The following CLEC12A variants were observed in gnomAD, a reference collection of about 807,000 sequenced individuals.
The protein encoded by CLEC12A is C-type lectin protein CLL-1.
A neutral mutation model predicts 26.5 loss-of-function variants in CLEC12A; 22 were observed. The ratio of observed to expected loss-of-function variants is 0.83; its 90% CI spans 0.59 to 1.19. The LOEUF is 1.19. Ranked by LOEUF, CLEC12A falls within the 50% of genes most tolerant of loss-of-function variation. The pLI, the probability that CLEC12A is intolerant of heterozygous loss-of-function variation, is 0.00. For synonymous variants in CLEC12A, 119 were observed against 101.9 expected (o/e 1.17, Z -1.01); for missense variants, 353 against 315.6 (o/e 1.12, Z -0.90).
At position 9,979,081 on chromosome 12, in the gene CLEC12A, T is replaced by A. The variant is rs372550372; in HGVS notation, c.190+17T>A. ...CAAGCATGTGTATGTACTGCCCCTG[T>A]TTTTGTCAAGAGGAAGTATCTAGAA... On this transcript the variant is annotated intron_variant, in intron 2 of 5. Transcript: ENST00000304361. 1.6e-5 allele frequency: 25 copies of A among 1,589,814 alleles called. No individual in the cohort carries two copies. Among genetic ancestry groups the A allele is most frequent in the Admixed American group, 6.7e-5 (4 of 59,682 alleles).
chr12:9,960,137 T>C (rs1863806370), intron 1 of CLEC12A, among the ~76,000 whole-genome samples: 1 of 152,186 alleles, frequency 6.6e-6, no homozygotes, highest in South Asian at 2.1e-4. Flanking sequence ...TGTTAAACCA[T>C]GAATTCAACA....
At chr12:10,002,025 G>A in the CLEC12A span, among the ~76,000 whole-genome samples, 12 of 151,812 alleles carry the variant, frequency 7.9e-5, no homozygotes, top group South Asian at 8.4e-4. Context: ...GAGTACAGGC[G>A]CCCACCACCA....
In CLEC12A at chr12:9,978,994, T is replaced by C; in HGVS notation, c.120T>C (p.Arg40=). The change falls in exon 2 of 6, where the codon CGT becomes CGC. Residue 40 remains arginine (R), a synonymous_variant. Coordinates refer to ENST00000304361, the MANE Select transcript of CLEC12A (RefSeq NM_138337.6). Reference sequence around the variant, plus strand: ...CTCCAGCTCCCTCTCATGTATGGCGTCCAGCAGCCTTGTTTCTGACTCTTC... The same window carrying C: ...CTCCAGCTCCCTCTCATGTATGGCGCCCAGCAGCCTTGTTTCTGACTCTTC... ...KAPPAPSHVW[R]PAALFLTLLC... is the part of the protein sequence containing the mutation. 1 of 1,613,992 alleles carries C rather than the reference T, an allele frequency of 6.2e-7. No homozygotes were observed. Among genetic ancestry groups the C allele is most frequent in the Non-Finnish European group, 8.5e-7 (1 of 1,179,876 alleles).
intron 1 of CLEC12A, among the ~76,000 whole-genome samples, chr12:9,972,053 T>C (rs67786371): frequency 6.9e-6 from 1 of 145,090 alleles, no homozygotes; most frequent in Non-Finnish European, 1.5e-5. Flanking sequence ...TGTGTGTGTG[T>C]GTGTGTGTTT....
At chr12:9,966,674 T>C (rs2922162), upstream of CLEC12A, among the ~76,000 whole-genome samples, 86,353 of 150,586 alleles carry the variant, frequency 0.57, 25,150 homozygotes, top group South Asian at 0.72. Flanking sequence ...GTTGCTACTT[T>C]GCTGCCTCTA....
chr12:10,001,639 A>G, the CLEC12A span, among the ~76,000 whole-genome samples: 1 of 152,212 alleles, frequency 6.6e-6, no homozygotes. Context: ...CCCACATTCT[A>G]TAAATGTAAG....
At chr12:9,991,419 A>G (rs190671013) in intron 4 of CLEC12A, 36 of 152,284 alleles carry the variant, frequency 2.4e-4, no homozygotes, top group African/African-American at 7.9e-4. Context: ...ATGTATACAC[A>G]TATGTTTTTC....
At chr12:9,978,859 G>A in intron 1 of CLEC12A, 107 bp from the exon 2 acceptor site, 4 of 761,230 alleles carry the variant, frequency 5.3e-6, no homozygotes, top group South Asian at 4.7e-5. Flanking sequence ...CTTTCCAATA[G>A]GCATATTAGG....
chr12:9,952,170 C>T (rs1289439952), intron 1 of CLEC12A: 36 of 110,562 alleles, frequency 3.3e-4, no homozygotes, highest in South Asian at 7.1e-4. Context: ...TCTCCCTCTC[C>T]GTCTCCCTCT....
At chr12:9,972,123 A>G (rs986742766) in intron 1 of CLEC12A, among the ~76,000 whole-genome samples, 1 of 151,910 alleles carries the variant, frequency 6.6e-6, no homozygotes, top group African/African-American at 2.4e-5. Context: ...ATTTCATTTG[A>G]CTATCTACCA....
At chr12:9,978,809 A>G (rs958045596) in intron 1 of CLEC12A, among the ~76,000 whole-genome samples, 157 bp from the exon 2 acceptor site, 2 of 152,228 alleles carry the variant, frequency 1.3e-5, no homozygotes, top group African/African-American at 4.8e-5. Flanking sequence ...TTCTTCAAAA[A>G]TATTTTTTGA....
downstream of CLEC12A, among the ~76,000 whole-genome samples, chr12:9,989,897 G>A (rs933155865): frequency 6.6e-5 from 10 of 152,188 alleles, no homozygotes; most frequent in Middle Eastern, 3.4e-3. Flanking sequence ...CATTTCAAAC[G>A]TCCTAGGGAC....
intron 1 of CLEC12A, among the ~76,000 whole-genome samples, chr12:9,962,345 T>C (rs1003031896): frequency 3.3e-5 from 5 of 151,858 alleles, no homozygotes; most frequent in Admixed American, 1.3e-4. Context: ...TTTTAAATTA[T>C]GTGACTCTGA....
intron 1 of CLEC12A, among the ~76,000 whole-genome samples, chr12:9,978,073 T>C (rs1424784361): frequency 6.6e-6 from 1 of 152,156 alleles, no homozygotes; most frequent in Non-Finnish European, 1.5e-5. Context: ...AGTAATTGTC[T>C]CTGGATTTCA....
At chr12:9,989,257 A>C (rs1162192193), downstream of CLEC12A, among the ~76,000 whole-genome samples, 1 of 151,932 alleles carries the variant, frequency 6.6e-6, no homozygotes, top group African/African-American at 2.4e-5. Flanking sequence ...AGATACACCT[A>C]ATGTTAAATG....
At chr12:9,956,970 A>G (rs1228695503) in intron 1 of CLEC12A, among the ~76,000 whole-genome samples, 1 of 142,792 alleles carries the variant, frequency 7.0e-6, no homozygotes. Context: ...GCATAAGGAA[A>G]TAAAAACTAA....
intron 1 of CLEC12A, among the ~76,000 whole-genome samples, chr12:9,959,027 AT>A (rs1565546884): frequency 6.6e-6 from 1 of 152,144 alleles, no homozygotes. Context: ...GTCTGGCAAT[AT>A]TTTCCAGGCC....
In CLEC12A at chr12:9,985,418, C is replaced by A; in HGVS notation, c.*392C>A. The A allele has an allele frequency of 5.0e-6, 2 of 400,934 alleles. No individual in the cohort carries two copies. The highest frequency in any genetic ancestry group is 2.5e-4 in the South Asian group (2 of 8,034). The allele number at this position is 400,934 out of a possible 1,614,324, so 24.8% of individuals were successfully genotyped here. A position where few individuals can be genotyped will look rare whatever the true frequency, so the allele number is the denominator to read the frequency against. On this transcript the variant is annotated 3_prime_UTR_variant, in exon 6 of 6. Transcript: ENST00000304361. ...GCGTTGCTAGGGTGGCATGGCTCCCCATCTCGGGTCCATCCTATACTTCCA... is the reference window on the plus strand; with the variant it reads ...GCGTTGCTAGGGTGGCATGGCTCCCAATCTCGGGTCCATCCTATACTTCCA...
intron 1 of CLEC12A, among the ~76,000 whole-genome samples, chr12:9,956,101 G>A (rs1366034642): frequency 6.6e-6 from 1 of 152,138 alleles, no homozygotes; most frequent in African/African-American, 2.4e-5. Context: ...GATCTGAGAA[G>A]TATTCAAAAA....
Sources: allele counts gnomAD v4.1 joint callset (sites outside exome capture counted in the v4.1 genomes callset), GRCh38; gene constraint gnomAD v4.1.1; transcripts MANE v1.5; gene names NCBI Gene and HGNC (gene_info 2026-07-23, HGNC 2026-07-21).